Variants in ESRRG observed in about 807,000 individuals in gnomAD.
ESRRG encodes estrogen related receptor gamma.
Under a neutral mutation model 44.0 loss-of-function variants are expected in ESRRG, and 13 were observed. The observed-to-expected ratio is 0.30, with a 90% CI of 0.19 to 0.47. ESRRG has a LOEUF of 0.47. Ranked by LOEUF, ESRRG falls within the 20% of genes least tolerant of loss-of-function variation. ESRRG has a pLI of 1.00. For synonymous variants in ESRRG, 215 were observed against 214.6 expected (o/e 1.00, Z -0.02); for missense variants, 395 against 580.6 (o/e 0.68, Z 3.29).
Position 216,816,239 on chromosome 1 carries a change from G to A in ESRRG, c.-14+123343C>T, listed in dbSNP as rs554625486. Among the ~76,000 whole-genome samples, 243 of 152,096 alleles carry A rather than the reference G, an allele frequency of 1.6e-3. 1 individual carries two copies. The highest frequency in any genetic ancestry group is 2.4e-3 in the Non-Finnish European group (164 of 67,992). On this transcript the variant is annotated intron_variant, in intron 2 of 7. Coordinates refer to the ESRRG transcript ENST00000359162. ...GGTTTCAAAATATATCACATTCATG[G>A]GTGTTCATTACAAACCGTGGTCATT...
At chr1:216,994,779 G>T (rs2150563443) in intron 1 of ESRRG, among the ~76,000 whole-genome samples, 1 of 151,972 alleles carries the variant, frequency 6.6e-6, no homozygotes, top group South Asian at 2.1e-4. Flanking sequence ...GTAGAGACGG[G>T]CTTTCACTGT....
chr1:216,658,764 C>T (rs374928527), intron 2 of ESRRG, among the ~76,000 whole-genome samples: 6 of 151,320 alleles, frequency 4.0e-5, no homozygotes, highest in East Asian at 3.9e-4. Flanking sequence ...ACCCAGAAGG[C>T]GGAGGTTGGA....
At chr1:216,773,255 A>G (rs2093456694) in intron 2 of ESRRG, among the ~76,000 whole-genome samples, 1 of 152,108 alleles carries the variant, frequency 6.6e-6, no homozygotes, top group Admixed American at 6.6e-5. Context: ...ATAGCTTACC[A>G]AGCAGATAAG....
chr1:216,874,690 TG>T (rs36046560), intron 2 of ESRRG, among the ~76,000 whole-genome samples: 32,082 of 152,176 alleles, frequency 0.21, 3,441 homozygotes, highest in Non-Finnish European at 0.23. Flanking sequence ...GTATTGTTCC[TG>T]GGTGTGTCTG....
chr1:216,990,753 C>T (rs1460626021), intron 1 of ESRRG, among the ~76,000 whole-genome samples: 2 of 152,270 alleles, frequency 1.3e-5, no homozygotes, highest in African/African-American at 2.4e-5. Context: ...GTATATAACA[C>T]ATATAACATA....
chr1:217,009,810 A>T (rs1304409138), intron 1 of ESRRG, among the ~76,000 whole-genome samples: 1 of 143,778 alleles, frequency 7.0e-6, no homozygotes, highest in Non-Finnish European at 1.5e-5. Context: ...GGTTCAAATG[A>T]TTCTCCTGCC....
chr1:216,960,964 A>G (rs2150173551), intron 1 of ESRRG, among the ~76,000 whole-genome samples: 1 of 152,254 alleles, frequency 6.6e-6, no homozygotes, highest in Admixed American at 6.5e-5. Flanking sequence ...CCTTGTAGGA[A>G]CATACCAAAT....
intron 2 of ESRRG, among the ~76,000 whole-genome samples, chr1:216,815,731 A>C (rs1203232828): frequency 6.6e-6 from 1 of 152,214 alleles, no homozygotes; most frequent in Non-Finnish European, 1.5e-5. Flanking sequence ...CGCACTGAAC[A>C]CAATGAAGCA....
chr1:216,691,614 G>A (rs1014489087), intron 1 of ESRRG, among the ~76,000 whole-genome samples: 1 of 152,156 alleles, frequency 6.6e-6, no homozygotes, highest in Non-Finnish European at 1.5e-5. Context: ...ATGTTTTCCT[G>A]AAAAGGGGTT....
At chr1:216,943,621 T>A (rs1053366376) in intron 1 of ESRRG, among the ~76,000 whole-genome samples, 17 of 152,160 alleles carry the variant, frequency 1.1e-4, no homozygotes, top group Admixed American at 1.0e-3. Flanking sequence ...ATCTACTTAC[T>A]ACACACACAT....
intron 3 of ESRRG, among the ~76,000 whole-genome samples, chr1:216,622,585 C>T (rs1307313470): frequency 1.4e-5 from 2 of 147,192 alleles, no homozygotes; most frequent in African/African-American, 4.9e-5. Flanking sequence ...TATTAAGTAG[C>T]TCCAATGGAA....
At chr1:216,631,315 T>C (rs1047545443) in intron 3 of ESRRG, among the ~76,000 whole-genome samples, 5 of 152,194 alleles carry the variant, frequency 3.3e-5, no homozygotes, top group Non-Finnish European at 7.3e-5. Flanking sequence ...TCTGTAACCA[T>C]GTTAGTAGCA....
At chr1:216,727,171 T>C (rs1469724617), upstream of ESRRG, among the ~76,000 whole-genome samples, 1 of 152,182 alleles carries the variant, frequency 6.6e-6, no homozygotes, top group African/African-American at 2.4e-5. Flanking sequence ...ACTAAATATG[T>C]AAAACTAAAC....
chr1:216,572,994 T>C (rs1272266761), intron 3 of ESRRG, among the ~76,000 whole-genome samples: 1 of 151,934 alleles, frequency 6.6e-6, no homozygotes, highest in East Asian at 1.9e-4. Flanking sequence ...AGAAATATAA[T>C]ACAAATTACC....
rs193274757 is a variant in ESRRG at position 216,509,105 on chromosome 1, A to G, written c.1133-1922T>C. Among the ~76,000 whole-genome samples the G allele has an allele frequency of 1.9e-4, 29 of 152,326 alleles. 1 individual carries two copies. In the East Asian group the frequency reaches 3.1e-3, roughly 16 times the overall value. Reference sequence around the variant, plus strand: ...AACATGGCCTCATTTTACCTCCCCAAGCCCTAGAAGACACGTGGCACTGGT... The same window carrying G: ...AACATGGCCTCATTTTACCTCCCCAGGCCCTAGAAGACACGTGGCACTGGT... On this transcript the variant is annotated intron_variant, in intron 6 of 6. Coordinates refer to ENST00000408911, the MANE Select transcript of ESRRG (RefSeq NM_001438.4).
chr1:217,038,608 C>G (rs768361923), intron 1 of ESRRG, among the ~76,000 whole-genome samples: 2 of 152,218 alleles, frequency 1.3e-5, no homozygotes, highest in African/African-American at 4.8e-5. Flanking sequence ...CACAGGGTAC[C>G]AAGTCCCTAG....
intron 3 of ESRRG, among the ~76,000 whole-genome samples, chr1:216,634,682 G>T (rs2064932898): frequency 6.6e-6 from 1 of 151,662 alleles, no homozygotes; most frequent in Admixed American, 6.5e-5. Context: ...AGACTGCCCA[G>T]GGGGGACAGT....
intron 2 of ESRRG, among the ~76,000 whole-genome samples, chr1:216,663,979 T>C (rs888524441): frequency 2.0e-5 from 3 of 152,142 alleles, no homozygotes; most frequent in African/African-American, 7.2e-5. Context: ...ATTTAAGGGA[T>C]TTCTAAAAAT....
intron 2 of ESRRG, among the ~76,000 whole-genome samples, chr1:216,806,645 C>A (rs757046917): frequency 2.0e-5 from 3 of 152,128 alleles, no homozygotes; most frequent in Non-Finnish European, 2.9e-5. Flanking sequence ...TCACTCTAGT[C>A]CTGCCCCAGT....
Sources: allele counts gnomAD v4.1 joint callset (sites outside exome capture counted in the v4.1 genomes callset), GRCh38; gene constraint gnomAD v4.1.1; transcripts MANE v1.5; gene names NCBI Gene and HGNC (gene_info 2026-07-23, HGNC 2026-07-21).